Variants in MARCHF1 observed in about 807,000 individuals in gnomAD.
MARCHF1 encodes the protein membrane associated ring-CH-type finger 1.
In MARCHF1, 40 loss-of-function variants were observed where a neutral mutation model predicts 54.2. The ratio of observed to expected loss-of-function variants is 0.74; its 90% CI spans 0.57 to 0.96. MARCHF1 has a LOEUF of 0.96. MARCHF1 is among the 40% of genes least tolerant of loss of function. The pLI is 0.00. For missense variants in MARCHF1, 586 were observed against 656.5 expected (o/e 0.89, Z 1.17); for synonymous variants, 236 against 236.3 (o/e 1.00, Z 0.01).
chr4:164,259,076 G>A (rs1012782204), intron 1 of MARCHF1, among the ~76,000 whole-genome samples: 2 of 152,086 alleles, frequency 1.3e-5, no homozygotes, highest in African/African-American at 4.8e-5. Flanking sequence ...GGTAAAACGA[G>A]TATTTTTTCA....
intron 7 of MARCHF1, among the ~76,000 whole-genome samples, chr4:163,609,224 A>G (rs1741242773): frequency 6.6e-6 from 1 of 151,982 alleles, no homozygotes; most frequent in Non-Finnish European, 1.5e-5. Context: ...TGGACAGCTG[A>G]CCCTGGAATG....
chr4:163,568,326 C>T (rs1388363018), intron 8 of MARCHF1, among the ~76,000 whole-genome samples: 1 of 152,128 alleles, frequency 6.6e-6, no homozygotes, highest in East Asian at 1.9e-4. Context: ...TTTATTTTAA[C>T]CAAATTTGGT....
At chr4:163,964,904 G>T (rs2110821541) in intron 3 of MARCHF1, among the ~76,000 whole-genome samples, 1 of 152,026 alleles carries the variant, frequency 6.6e-6, no homozygotes, top group South Asian at 2.1e-4. Context: ...CATCAGCAGT[G>T]CCCGACACCG....
rs1304997043 is a variant in MARCHF1 at position 163,636,717 on chromosome 4, C to A, written c.163-23324G>T. On this transcript the variant is annotated intron_variant, in intron 5 of 9. Transcript: ENST00000514618. ...TGCCATCCCCATCAAGCTACCAATG[C>A]CTTTCTTCACACAATTGGAAAAAAC... 2.1e-4 allele frequency among the ~76,000 whole-genome samples: 32 copies of A among 152,118 alleles called. No individual in the cohort carries two copies. The South Asian group carries it at 3.9e-3, about 19-fold the overall frequency.
At chr4:163,646,447 A>T (rs1478386220) in intron 5 of MARCHF1, among the ~76,000 whole-genome samples, 1 of 152,074 alleles carries the variant, frequency 6.6e-6, no homozygotes, top group East Asian at 1.9e-4. Context: ...AGTTAAAAAG[A>T]CTCAGTAAAG....
At chr4:164,141,939 A>AGTGGGTGCAGGTCAGTGG (rs1553985884) in intron 1 of MARCHF1, among the ~76,000 whole-genome samples, 1 of 150,994 alleles carries the variant, frequency 6.6e-6, no homozygotes, top group African/African-American at 2.5e-5. Context: ...AGTGCCAGAC[A>AGTGGGTGCAGGTCAGTGG]GTGGGCGCAG....
At chr4:163,725,136 C>T (rs1269013483) in intron 4 of MARCHF1, among the ~76,000 whole-genome samples, 1 of 152,118 alleles carries the variant, frequency 6.6e-6, no homozygotes, top group African/African-American at 2.4e-5. Flanking sequence ...CGTATTCAGC[C>T]ATCTTGGAAC....
intron 1 of MARCHF1, among the ~76,000 whole-genome samples, chr4:164,322,981 T>A (rs908763093): frequency 2.0e-5 from 3 of 151,950 alleles, no homozygotes; most frequent in African/African-American, 7.2e-5. Flanking sequence ...AAAAATAGAA[T>A]AAATTATAAA....
intron 2 of MARCHF1, among the ~76,000 whole-genome samples, chr4:164,054,500 C>T (rs62348144): frequency 0.021 from 3,248 of 152,048 alleles, 59 homozygotes; most frequent in South Asian, 0.062. Flanking sequence ...GCATTATTCA[C>T]GATAGCAAAG....
In MARCHF1 at chr4:163,527,121, T is replaced by TAA. The variant is rs1475276522; in HGVS notation, c.*1625_*1626dup. 6.6e-6 allele frequency: 1 copy of TAA among 152,010 alleles called. No homozygotes were observed. The highest frequency in any genetic ancestry group is 2.4e-5 in the African/African-American group (1 of 41,416). The allele number at this position is 152,010 out of a possible 1,614,324, so 9.4% of individuals were successfully genotyped here. A position where few individuals can be genotyped will look rare whatever the true frequency, so the allele number is the denominator to read the frequency against. ...AATAAATAATGACAGCTAACAAAAA[T>TAA]AAGTCACCTTTTTTAATGTAGGACA... On this transcript the variant is annotated 3_prime_UTR_variant, in exon 10 of 10. Transcript: ENST00000514618.
intron 1 of MARCHF1, among the ~76,000 whole-genome samples, chr4:164,192,968 G>T (rs1731160250): frequency 6.6e-6 from 1 of 152,186 alleles, no homozygotes. Flanking sequence ...CAGTGCCTGT[G>T]TGACTTATCT....
In MARCHF1 at chr4:164,147,934, T is replaced by C. The variant is rs146863022; in HGVS notation, c.-322-36272A>G. 6.8e-3 allele frequency among the ~76,000 whole-genome samples: 1,029 copies of C among 152,272 alleles called. 7 individuals are homozygous for C. The highest frequency in any genetic ancestry group is 0.011 in the Non-Finnish European group (726 of 68,016). ...TTCCATTAAAAGTATTTCTGGATTT[T>C]AGATAAATATAGCAAAGTATAATCT... is the stretch of plus-strand genomic sequence containing the variant. On this transcript the variant is annotated intron_variant, in intron 1 of 9. Coordinates refer to ENST00000514618, the MANE Select transcript of MARCHF1 (RefSeq NM_001394959.1).
At chr4:163,894,367 A>T (rs1161762589) in intron 3 of MARCHF1, among the ~76,000 whole-genome samples, 1 of 152,032 alleles carries the variant, frequency 6.6e-6, no homozygotes, top group Non-Finnish European at 1.5e-5. Flanking sequence ...GCCATAAATC[A>T]TAGCTACATA....
At chr4:163,793,948 C>T (rs761327370) in intron 4 of MARCHF1, among the ~76,000 whole-genome samples, 7 of 152,096 alleles carry the variant, frequency 4.6e-5, no homozygotes, top group Admixed American at 2.0e-4. Flanking sequence ...TGAATAAAGC[C>T]CTTCCTTCTT....
At chr4:164,060,407 A>G (rs1414725960) in intron 2 of MARCHF1, among the ~76,000 whole-genome samples, 2 of 152,152 alleles carry the variant, frequency 1.3e-5, no homozygotes, top group African/African-American at 4.8e-5. Flanking sequence ...ATGTGCTTTC[A>G]AACTACATTA....
At chr4:163,876,647 G>A (rs1750295961) in intron 3 of MARCHF1, among the ~76,000 whole-genome samples, 1 of 152,076 alleles carries the variant, frequency 6.6e-6, no homozygotes, top group Non-Finnish European at 1.5e-5. Context: ...TAGGCATCAG[G>A]ATAGAAGCAA....
chr4:163,630,747 G>A (rs954985575), intron 5 of MARCHF1, among the ~76,000 whole-genome samples: 2 of 151,898 alleles, frequency 1.3e-5, no homozygotes, highest in Admixed American at 6.6e-5. Context: ...TATGATAAAG[G>A]AAATGTTAAA....
intron 1 of MARCHF1, among the ~76,000 whole-genome samples, chr4:164,333,207 T>C (rs1159507725): frequency 1.3e-5 from 2 of 152,174 alleles, no homozygotes; most frequent in East Asian, 1.9e-4. Context: ...AAAGATGTAA[T>C]ATAAATAATA....
chr4:163,723,375 G>A (rs953259606), intron 4 of MARCHF1, among the ~76,000 whole-genome samples: 10 of 152,318 alleles, frequency 6.6e-5, no homozygotes, highest in Admixed American at 1.3e-4. Context: ...GGCTTGTAGA[G>A]TTTCTGCTGA....
Sources: gnomAD v4.1 joint callset for allele counts (sites outside exome capture counted in the v4.1 genomes callset) on GRCh38, gnomAD v4.1.1 for gene constraint, MANE v1.5 for transcripts, NCBI Gene and HGNC (gene_info 2026-07-23, HGNC 2026-07-21) for gene names.